The following FABP5 variants were observed in gnomAD, a reference collection of about 807,000 sequenced individuals.
FABP5 encodes the protein fatty acid binding protein 5.
In FABP5, 7 loss-of-function variants were observed where a neutral mutation model predicts 16.9. The observed-to-expected ratio is 0.41, with a 90% CI of 0.24 to 0.78. FABP5 has a LOEUF of 0.78. Among genes scored for constraint, FABP5 ranks in the 30% least tolerant of loss-of-function variants. FABP5 has a pLI of 0.30. For missense variants in FABP5, 119 were observed against 159.5 expected (o/e 0.75, Z 1.37); for synonymous variants, 37 against 52.8 (o/e 0.70, Z 1.30).
In FABP5 at chr8:81,284,598, A is replaced by C; in HGVS notation, c.*31A>C. 7.6e-7 allele frequency: 1 copy of C among 1,318,678 alleles called. No individual in the cohort carries two copies. Among genetic ancestry groups the C allele is most frequent in the Non-Finnish European group, 1.1e-6 (1 of 923,312 alleles). The allele number at this position is 1,318,678 out of a possible 1,614,324, so 81.7% of individuals were successfully genotyped here. On this transcript the variant is annotated 3_prime_UTR_variant, in exon 4 of 4. Coordinates refer to ENST00000297258, the MANE Select transcript of FABP5 (RefSeq NM_001444.3). ...CCATCATCACTTTGGACAGGAGTTA[A>C]TTAAGAGAATGACCAAGCTCAGTTC...
At chr8:81,280,973 C>T (rs116967130) in intron 1 of FABP5, 20,450 of 373,650 alleles carry the variant, frequency 0.055, 847 homozygotes, top group Non-Finnish European at 0.071. Flanking sequence ...AACGGCAGCC[C>T]TTCCGCATTG....
chr8:81,284,011 G>A, intron 3 of FABP5, 37 bp downstream of exon 3: 4 of 1,445,320 alleles, frequency 2.8e-6, no homozygotes, highest in Non-Finnish European at 3.8e-6. Flanking sequence ...TCAGCTTCTT[G>A]TGTGCATTCA....
At chr8:81,280,698 C>A (rs369285448) in intron 1 of FABP5, 24 bp downstream of exon 1, 27 of 1,549,292 alleles carry the variant, frequency 1.7e-5, no homozygotes, top group Non-Finnish European at 2.3e-5. Flanking sequence ...CCTGGCAGCG[C>A]CTGCAACGTG....
In FABP5 at chr8:81,281,449, C is replaced by A; in HGVS notation, c.79+775C>A. On this transcript the variant is annotated intron_variant, in intron 1 of 3. Transcript: ENST00000297258. This position sits in a 1 kb window ranked among gnomAD's most constrained non-coding sequence, Gnocchi z 4.5. ...TGCCGGGCCGGGGCGCCGCAGTGGG[C>A]GGGTGGCCTGTGGGAGGAGCGCAAT... 3.0e-6 allele frequency: 3 copies of A among 985,756 alleles called. No homozygotes were observed. The highest frequency in any genetic ancestry group is 3.6e-6 in the Non-Finnish European group (3 of 830,414). 61.1% of individuals were successfully genotyped at this position (985,756 alleles called of 1,614,324 possible).
chr8:81,281,583 C>G lies in FABP5; in HGVS notation c.79+909C>G, dbSNP rs970835527. 1.0e-6 allele frequency: 1 copy of G among 985,514 alleles called. No individual in the cohort carries two copies. The highest frequency in any genetic ancestry group is 1.7e-5 in the African/African-American group (1 of 57,240). 61.0% of individuals were successfully genotyped at this position (985,514 alleles called of 1,614,324 possible). On this transcript the variant is annotated intron_variant, in intron 1 of 3. Coordinates refer to ENST00000297258, the MANE Select transcript of FABP5 (RefSeq NM_001444.3). This position sits in a 1 kb window ranked among gnomAD's most constrained non-coding sequence, Gnocchi z 4.5. ...AAACCGTAACAGAAACTGCCTGGCCCTCCTGCGGCTAACTGCATGCAAGAT... is the reference window on the plus strand; with the variant it reads ...AAACCGTAACAGAAACTGCCTGGCCGTCCTGCGGCTAACTGCATGCAAGAT...
Position 81,283,356 on chromosome 8 carries a change from C to T in FABP5, c.80-10C>T, listed in dbSNP as rs748790241. Reference sequence around the variant, plus strand: ...CTTCCTGTTATTTAACATGACTTAACATTCTACAGGAGTGGGAATAGCTTT... The same window carrying T: ...CTTCCTGTTATTTAACATGACTTAATATTCTACAGGAGTGGGAATAGCTTT... On this transcript the variant is annotated splice_polypyrimidine_tract_variant and intron_variant, in intron 1 of 3. Transcript: ENST00000297258. 5 of 1,567,906 alleles carry T rather than the reference C, an allele frequency of 3.2e-6. No individual in the cohort carries two copies. In the Admixed American group the frequency reaches 9.8e-5, roughly 31 times the overall value.
rs1160377549 is a variant in FABP5 at position 81,283,620 on chromosome 8, G to A, written c.252+82G>A. The stretch of plus-strand genomic sequence containing the variant: ...ATAACATTTTACTGTTTATAGGCAA[G>A]AACTTAATGAAAAAGTTATTTTATG... On this transcript the variant is annotated intron_variant, in intron 2 of 3. Transcript: ENST00000297258. The A allele has an allele frequency of 2.9e-6, 4 of 1,361,012 alleles. No homozygotes were observed. The Admixed American group carries it at 9.7e-5, about 33-fold the overall frequency. 84.3% of individuals were successfully genotyped at this position (1,361,012 alleles called of 1,614,324 possible).
In FABP5 at chr8:81,284,584, T is replaced by C. The variant is rs751030927; in HGVS notation, c.*17T>C. On this transcript the variant is annotated 3_prime_UTR_variant, in exon 4 of 4. Coordinates refer to ENST00000297258, the MANE Select transcript of FABP5 (RefSeq NM_001444.3). Reference sequence around the variant, plus strand: ...GTAGAATAAAAATTCCATCATCACTTTGGACAGGAGTTAATTAAGAGAATG... The same window carrying C: ...GTAGAATAAAAATTCCATCATCACTCTGGACAGGAGTTAATTAAGAGAATG... 1.5e-4 allele frequency: 213 copies of C among 1,458,994 alleles called. 1 individual carries two copies. The highest frequency in any genetic ancestry group is 1.3e-5 in the Non-Finnish European group (14 of 1,048,144). 90.4% of individuals were successfully genotyped at this position (1,458,994 alleles called of 1,614,324 possible).
In FABP5 at chr8:81,280,552, C is replaced by G; in HGVS notation, c.-44C>G. The G allele has an allele frequency of 1.9e-6, 3 of 1,540,966 alleles. No homozygotes were observed. In the South Asian group the frequency reaches 3.6e-5, roughly 19 times the overall value. On this transcript the variant is annotated 5_prime_UTR_variant, in exon 1 of 4. Transcript: ENST00000297258. The stretch of plus-strand genomic sequence containing the variant: ...GGGTGCCTCACAGCACGCTGCCACG[C>G]CGACGCAGACCCCTCTCTGCACGCC...
chr8:81,284,489 CTTT>C, intron 3 of FABP5, 22 bp from the exon 4 acceptor site: 2 of 1,554,704 alleles, frequency 1.3e-6, no homozygotes, highest in Non-Finnish European at 1.8e-6. Flanking sequence ...TAACCTAACT[CTTT>C]TAATATCTTT....
chr8:81,283,816 T>C, intron 2 of FABP5, 57 bp from the exon 3 acceptor site: 1 of 1,387,886 alleles, frequency 7.2e-7, no homozygotes, highest in Non-Finnish European at 1.0e-6. Context: ...AGGTTATGAG[T>C]CATGGAAACT....
At chr8:81,284,050 A>G in intron 3 of FABP5, 76 bp downstream of exon 3, 1 of 1,089,424 alleles carries the variant, frequency 9.2e-7, no homozygotes, top group Non-Finnish European at 1.3e-6. Context: ...TATATCATTG[A>G]TCATTAACAG....
intron 3 of FABP5, chr8:81,284,259 TTAAAA>T (rs1220265431): frequency 4.1e-5 from 22 of 531,250 alleles, no homozygotes; most frequent in Admixed American, 1.7e-4. Flanking sequence ...TTCTATATCT[TTAAAA>T]TAAGGAATAT....
intron 1 of FABP5, 174 bp downstream of exon 1, chr8:81,280,848 G>A (rs1807816364): frequency 1.6e-6 from 1 of 610,152 alleles, no homozygotes; most frequent in East Asian, 3.0e-5. Context: ...AGCACCACGC[G>A]GGCAGGCGGC....
rs1563479587 is a variant in FABP5 at position 81,281,205 on chromosome 8, T to TC, written c.79+532dup. 1 of 398,596 alleles carries TC rather than the reference T, an allele frequency of 2.5e-6. No homozygotes were observed. Among genetic ancestry groups the TC allele is most frequent in the Non-Finnish European group, 3.4e-6 (1 of 293,290 alleles). The allele number at this position is 398,596 out of a possible 1,614,324, so 24.7% of individuals were successfully genotyped here. A position where few individuals can be genotyped will look rare whatever the true frequency, so the allele number is the denominator to read the frequency against. ...GCGCGCAGGTCACCCTCCGTTTTCT[T>TC]CATGGGGACGCGGTGCTGGCGCGCA... On this transcript the variant is annotated intron_variant, in intron 1 of 3. Transcript: ENST00000297258. This position sits in a 1 kb window ranked among gnomAD's most constrained non-coding sequence, Gnocchi z 4.5.
rs1807885245 is a variant in FABP5 at position 81,284,719 on chromosome 8, T to A, written c.*152T>A. 1 of 563,952 alleles carries A rather than the reference T, an allele frequency of 1.8e-6. No homozygotes were observed. Among genetic ancestry groups the A allele is most frequent in the East Asian group, 2.8e-5 (1 of 35,360 alleles). The allele number at this position is 563,952 out of a possible 1,614,324, so 34.9% of individuals were successfully genotyped here. A position where few individuals can be genotyped will look rare whatever the true frequency, so the allele number is the denominator to read the frequency against. On this transcript the variant is annotated 3_prime_UTR_variant, in exon 4 of 4. Coordinates refer to ENST00000297258, the MANE Select transcript of FABP5 (RefSeq NM_001444.3). Reference sequence around the variant, plus strand: ...CATTTTACATGCAGCTATTTCAAAGTGTGTTGGATTAATTAGGATCATCCC... The same window carrying A: ...CATTTTACATGCAGCTATTTCAAAGAGTGTTGGATTAATTAGGATCATCCC...
Position 81,280,633 on chromosome 8 carries a change from T to G in FABP5, c.38T>G (p.Leu13Arg). 1.9e-6 allele frequency: 3 copies of G among 1,560,050 alleles called. No homozygotes were observed. The highest frequency in any genetic ancestry group is 2.4e-5 in the East Asian group (1 of 42,236). ...TVQQLEGRWR[L>R]VDSKGFDEYM... ...CAGCAGCTGGAAGGAAGATGGCGCC[T>G]GGTGGACAGCAAAGGCTTTGATGAA... The change falls in exon 1 of 4, where the codon CTG becomes CGG. Residue 13 changes from leucine to arginine, a missense_variant. Physicochemically the swap from Leu to Arg is moderately radical, Grantham distance 102 (BLOSUM62 -2). Coordinates refer to ENST00000297258, the MANE Select transcript of FABP5 (RefSeq NM_001444.3).
intron 1 of FABP5, chr8:81,280,980 A>C (rs1205000317): frequency 2.8e-6 from 1 of 353,132 alleles, no homozygotes; most frequent in East Asian, 5.8e-5. Context: ...GCCCTTCCGC[A>C]TTGCTTCCTG....
Position 81,281,457 on chromosome 8 carries a change from C to T in FABP5, c.79+783C>T, listed in dbSNP as rs1410927572. Reference sequence around the variant, plus strand: ...CGGGGCGCCGCAGTGGGCGGGTGGCCTGTGGGAGGAGCGCAATGAGGCCTG... The same window carrying T: ...CGGGGCGCCGCAGTGGGCGGGTGGCTTGTGGGAGGAGCGCAATGAGGCCTG... On this transcript the variant is annotated intron_variant, in intron 1 of 3. Coordinates refer to ENST00000297258, the MANE Select transcript of FABP5 (RefSeq NM_001444.3). The surrounding 1 kb of genome is among the most constrained non-coding windows in gnomAD (Gnocchi z 4.5). 1 of 985,614 alleles carries T rather than the reference C, an allele frequency of 1.0e-6. No homozygotes were observed. The highest frequency in any genetic ancestry group is 1.2e-6 in the Non-Finnish European group (1 of 830,252). The allele number at this position is 985,614 out of a possible 1,614,324, so 61.1% of individuals were successfully genotyped here. A position where few individuals can be genotyped will look rare whatever the true frequency, so the allele number is the denominator to read the frequency against.
Sources: allele counts gnomAD v4.1 joint callset, GRCh38; gene constraint gnomAD v4.1.1; non-coding constraint Gnocchi (gnomAD v3.1); transcripts MANE v1.5; gene names NCBI Gene and HGNC (gene_info 2026-07-23, HGNC 2026-07-21).